BGN: variants seen among roughly 807,000 people sequenced by gnomAD.
BGN encodes bone/cartilage proteoglycan-I.
A neutral mutation model predicts 20.0 loss-of-function variants in BGN; 6 were observed. That is an observed-to-expected ratio of 0.30 (90% CI 0.16 to 0.59). The LOEUF (loss-of-function observed/expected upper bound fraction) is 0.59, where lower values mean the gene tolerates loss of function less well. BGN is among the 20% of genes least tolerant of loss of function. BGN has a pLI of 0.88. For synonymous variants in BGN, 146 were observed against 134.6 expected (o/e 1.08, Z -0.59); for missense variants, 292 against 312.1 (o/e 0.94, Z 0.49).
rs376470855 is a variant in BGN, at chrX:153,504,097, G to A, written c.-11-524G>A. Among the ~76,000 whole-genome samples the A allele has an allele frequency of 3.2e-4, 36 of 112,137 alleles. No homozygotes were observed. In the East Asian group the frequency reaches 8.2e-3, roughly 25 times the overall value. On this transcript the variant is annotated intron_variant, in intron 1 of 7. Coordinates refer to ENST00000331595, the MANE Select transcript of BGN (RefSeq NM_001711.6). ...TGGAGGGAGGAAGCAACTCAGAGTCGCCGCACTCAACTAACTTCATCCACG... is the reference window on the plus strand; with the variant it reads ...TGGAGGGAGGAAGCAACTCAGAGTCACCGCACTCAACTAACTTCATCCACG...
intron 2 of BGN, 142 bp from the exon 3 acceptor site, chrX:153,505,096 A>C: frequency 1.7e-6 from 1 of 574,601 alleles, no homozygotes; most frequent in East Asian, 3.3e-5. Context: ...GGTCCTCCCT[A>C]CCAGTGGGGC....
Position 153,506,925 on chromosome X carries a change from TG to T in BGN, c.770+3del. On this transcript the variant is annotated splice_donor_region_variant and intron_variant, in intron 6 of 7. Coordinates refer to ENST00000331595, the MANE Select transcript of BGN (RefSeq NM_001711.6). ...GCTTCGCTACTCCAAGCTGTACAGGTGAGGCCAGCAGGGCACCGCCCAAGGG... is the reference window on the plus strand; with the variant it reads ...GCTTCGCTACTCCAAGCTGTACAGGTAGGCCAGCAGGGCACCGCCCAAGGG... 8.3e-7 allele frequency: 1 copy of T among 1,210,578 alleles called. No homozygotes were observed. The highest frequency in any genetic ancestry group is 1.1e-6 in the Non-Finnish European group (1 of 894,486).
intron 3 of BGN, 47 bp from the exon 4 acceptor site, chrX:153,505,816 G>A (rs782680469): frequency 9.2e-7 from 1 of 1,087,226 alleles, no homozygotes; most frequent in Admixed American, 2.4e-5. Context: ...AGGGGCGGGT[G>A]GGGTGGGGAG....
Position 153,507,040 on chromosome X carries a change from C to A in BGN, c.771-7C>A, listed in dbSNP as rs782014544. On this transcript the variant is annotated splice_polypyrimidine_tract_variant and splice_region_variant and intron_variant, in intron 6 of 7. Coordinates refer to ENST00000331595, the MANE Select transcript of BGN (RefSeq NM_001711.6). ...CCTTTGAGTCCGTGTCATTCTCCCG[C>A]TCACAGGCTGGGCCTAGGCCACAAC... The A allele has an allele frequency of 5.0e-6, 6 of 1,210,413 alleles. No homozygotes were observed. Among genetic ancestry groups the A allele is most frequent in the Admixed American group, 2.2e-5 (1 of 46,049 alleles).
chrX:153,508,363 T>C lies in BGN; in HGVS notation c.1025T>C (p.Val342Ala). The change falls in exon 8 of 8, where the codon GTG becomes GCG. Residue 342 changes from valine (V) to alanine (A), a missense_variant. Coordinates refer to ENST00000331595, the MANE Select transcript of BGN (RefSeq NM_001711.6). Reference protein sequence around the residue: ...YNGISLFNNPVPYWEVQPATF... With the variant: ...YNGISLFNNPAPYWEVQPATF... ...GGCATCAGCCTCTTCAACAACCCCG[T>C]GCCCTACTGGGAGGTGCAGCCGGCC... 8.2e-7 allele frequency: 1 copy of C among 1,212,171 alleles called. No individual in the cohort carries two copies. The highest frequency in any genetic ancestry group is 1.7e-5 in the African/African-American group (1 of 57,973).
At chrX:153,500,691 A>G (rs191743404) in intron 1 of BGN, among the ~76,000 whole-genome samples, 209 of 111,522 alleles carry the variant, frequency 1.9e-3, no homozygotes, top group Admixed American at 3.8e-3. Context: ...ACAGGTGTAT[A>G]TGTGCAGGTA....
In BGN at chrX:153,501,773, C is replaced by G. The variant is rs782705354; in HGVS notation, c.-11-2848C>G. Among the ~76,000 whole-genome samples the G allele has an allele frequency of 8.0e-5, 9 of 112,669 alleles. No individual in the cohort carries two copies. In the East Asian group the frequency reaches 2.5e-3, roughly 32 times the overall value. Reference sequence around the variant, plus strand: ...ACAGCCATGAGCCATGGAAAACCAGCCAAACCTTGTCCTTCTGCCTCTGTC... The same window carrying G: ...ACAGCCATGAGCCATGGAAAACCAGGCAAACCTTGTCCTTCTGCCTCTGTC... On this transcript the variant is annotated intron_variant, in intron 1 of 7. Coordinates refer to ENST00000331595, the MANE Select transcript of BGN (RefSeq NM_001711.6).
In BGN at chrX:153,506,943, G is replaced by A. The variant is rs370111356; in HGVS notation, c.770+20G>A. On this transcript the variant is annotated intron_variant, in intron 6 of 7. Transcript: ENST00000331595. ...GTACAGGTGAGGCCAGCAGGGCACC[G>A]CCCAAGGGTGATGCCAGAGTCCCTC... 7.5e-6 allele frequency: 9 copies of A among 1,205,765 alleles called. No individual in the cohort carries two copies. The highest frequency in any genetic ancestry group is 2.2e-5 in the Admixed American group (1 of 45,934).
intron 5 of BGN, 79 bp from the exon 6 acceptor site, chrX:153,506,751 C>T (rs1397225521): frequency 2.6e-6 from 3 of 1,149,647 alleles, no homozygotes; most frequent in Admixed American, 2.2e-5. Flanking sequence ...CTCAACAGTC[C>T]CCTCCCGCCA....
At chrX:153,496,413 T>C (rs1399364547) in intron 1 of BGN, among the ~76,000 whole-genome samples, 3 of 113,023 alleles carry the variant, frequency 2.7e-5, no homozygotes, top group African/African-American at 9.6e-5. Context: ...TGTATGAGCA[T>C]GGATGTCTTG....
intron 4 of BGN, among the ~76,000 whole-genome samples, 198 bp from the exon 5 acceptor site, chrX:153,506,331 C>A (rs1556993137): frequency 2.7e-5 from 3 of 112,171 alleles, no homozygotes; most frequent in Non-Finnish European, 5.6e-5. Context: ...TCTTGCTGCC[C>A]CTGGAGCTAG....
rs368808584 is a variant in BGN at position 153,506,391 on chromosome X, G to T, written c.566-138G>T. 5.2e-6 allele frequency: 3 copies of T among 574,898 alleles called. No homozygotes were observed. In the African/African-American group the frequency reaches 6.9e-5, roughly 13 times the overall value. The allele number at this position is 574,898 out of a possible 1,213,427, so 47.4% of individuals were successfully genotyped here. On this transcript the variant is annotated intron_variant, in intron 4 of 7. Transcript: ENST00000331595. ...ACAGCTAGGAGTTTGCAATTAGCCCGGTAAATTAGCAGAACTGCTTTCAGG... is the reference window on the plus strand; with the variant it reads ...ACAGCTAGGAGTTTGCAATTAGCCCTGTAAATTAGCAGAACTGCTTTCAGG...
rs782651987 is a variant in BGN at position 153,504,626 on chromosome X, T to C, written c.-6T>C. 5.0e-6 allele frequency: 6 copies of C among 1,196,016 alleles called. No homozygotes were observed. The highest frequency in any genetic ancestry group is 6.8e-6 in the Non-Finnish European group (6 of 883,783). ...CCCCTCGCCTCTTCCCCCAGGTCCA[T>C]CCGCCATGTGGCCCCTGTGGCGCCT... On this transcript the variant is annotated 5_prime_UTR_variant, in exon 2 of 8. Transcript: ENST00000331595.
Position 153,508,509 on chromosome X carries a change from A to G in BGN, c.*64A>G. 1 of 1,133,312 alleles carries G rather than the reference A, an allele frequency of 8.8e-7. No individual in the cohort carries two copies. The highest frequency in any genetic ancestry group is 1.2e-6 in the Non-Finnish European group (1 of 837,871). The allele number at this position is 1,133,312 out of a possible 1,213,427, so 93.4% of individuals were successfully genotyped here. On this transcript the variant is annotated 3_prime_UTR_variant, in exon 8 of 8. Transcript: ENST00000331595. ...CTGGGGAACACAGCCAGACATCCTG[A>G]TGGGGAGGCAGAGCCAGGAAGCTAA...
At chrX:153,504,077 G>T (rs2089780429) in intron 1 of BGN, among the ~76,000 whole-genome samples, 1 of 112,256 alleles carries the variant, frequency 8.9e-6, no homozygotes, top group African/African-American at 3.2e-5. Flanking sequence ...CAGGGTGGAG[G>T]GAGGAAGCAA....
intron 1 of BGN, among the ~76,000 whole-genome samples, chrX:153,496,959 A>ACCCCCCC (rs1171513146): frequency 9.2e-5 from 1 of 10,830 alleles, no homozygotes; most frequent in African/African-American, 3.6e-4. Context: ...CCCACCCCCC[A>ACCCCCCC]CCCCCCACCC....
chrX:153,496,585 T>G (rs1173687729), intron 1 of BGN, among the ~76,000 whole-genome samples: 1 of 111,991 alleles, frequency 8.9e-6, no homozygotes, highest in Non-Finnish European at 1.9e-5. Context: ...AGGGCTCCCA[T>G]GGCAAGCTGG....
intron 6 of BGN, 39 bp from the exon 7 acceptor site, chrX:153,507,008 C>T: frequency 8.3e-7 from 1 of 1,210,008 alleles, no homozygotes; most frequent in Non-Finnish European, 1.1e-6. Flanking sequence ...CCCATCCTTA[C>T]CTCCAGCCTT....
chrX:153,498,295 G>A (rs1008208344), intron 1 of BGN, among the ~76,000 whole-genome samples: 8 of 112,984 alleles, frequency 7.1e-5, no homozygotes, highest in Admixed American at 1.9e-4. Flanking sequence ...TCCCTGAGGT[G>A]TTCAGATGGG....
Sources: gnomAD v4.1 joint callset for allele counts (sites outside exome capture counted in the v4.1 genomes callset) on GRCh38, gnomAD v4.1.1 for gene constraint, MANE v1.5 for transcripts, NCBI Gene and HGNC (gene_info 2026-07-23, HGNC 2026-07-21) for gene names.